Variants in GMDS observed in about 807,000 individuals in gnomAD.
The protein encoded by GMDS is GDP-mannose 4,6 dehydratase.
A neutral mutation model predicts 49.9 loss-of-function variants in GMDS; 20 were observed. The observed-to-expected ratio is 0.40, with a 90% CI of 0.28 to 0.58. The LOEUF (loss-of-function observed/expected upper bound fraction) is 0.58. GMDS is among the 20% of genes least tolerant of loss of function. GMDS has a pLI of 0.42. For synonymous variants in GMDS, 177 were observed against 178.6 expected (o/e 0.99, Z 0.07); for missense variants, 362 against 481.4 (o/e 0.75, Z 2.32).
At position 1,821,611 on chromosome 6, in the gene GMDS, G is replaced by GTT. The variant is rs3039703; in HGVS notation, c.772-79027_772-79026dup. On this transcript the variant is annotated intron_variant, in intron 7 of 10. Transcript: ENST00000380815. ...TAGCGCAGCTGCTAACAATTTATTT[G>GTT]TTTTTTTTTTTTTTTTTTTTTTTTT... Among the ~76,000 whole-genome samples, 330 of 109,804 alleles carry GTT rather than the reference G, an allele frequency of 3.0e-3. 18 individuals carry two copies. The East Asian group carries it at 0.05, about 17-fold the overall frequency. The allele number at this position is 109,804 out of a possible 152,430, so 72.0% of individuals were successfully genotyped here. A position where few individuals can be genotyped will look rare whatever the true frequency, so the allele number is the denominator to read the frequency against.
At chr6:1,838,178 C>G (rs1020752945) in intron 7 of GMDS, among the ~76,000 whole-genome samples, 5 of 152,188 alleles carry the variant, frequency 3.3e-5, no homozygotes, top group African/African-American at 1.2e-4. Context: ...TCAGCTCCTA[C>G]AACATCTCAC....
At chr6:1,663,732 C>G (rs1764156576) in intron 9 of GMDS, among the ~76,000 whole-genome samples, 1 of 152,192 alleles carries the variant, frequency 6.6e-6, no homozygotes, top group South Asian at 2.1e-4. Flanking sequence ...CCCCCGGTGA[C>G]TGGTGAAGAT....
chr6:1,754,405 A>T (rs1367726737), intron 7 of GMDS, among the ~76,000 whole-genome samples: 1 of 152,148 alleles, frequency 6.6e-6, no homozygotes. Flanking sequence ...ATCAACCAAA[A>T]AAGTCCAGGA....
At chr6:2,017,358 G>A (rs1020095010) in intron 4 of GMDS, among the ~76,000 whole-genome samples, 1 of 151,868 alleles carries the variant, frequency 6.6e-6, no homozygotes, top group East Asian at 1.9e-4. Flanking sequence ...TGCCAGGCAG[G>A]AGTGCAGTGG....
At chr6:2,013,713 A>G (rs1767704902) in intron 4 of GMDS, among the ~76,000 whole-genome samples, 1 of 151,990 alleles carries the variant, frequency 6.6e-6, no homozygotes, top group East Asian at 1.9e-4. Context: ...CAATAGATGC[A>G]TCGCAAACTA....
intron 1 of GMDS, among the ~76,000 whole-genome samples, chr6:2,186,555 A>G (rs995679205): frequency 6.6e-6 from 1 of 152,230 alleles, no homozygotes; most frequent in African/African-American, 2.4e-5. Context: ...AATAAATTAA[A>G]CATGCTAAAA....
intron 9 of GMDS, among the ~76,000 whole-genome samples, chr6:1,712,997 G>A (rs577240317): frequency 1.5e-3 from 230 of 152,308 alleles, no homozygotes; most frequent in African/African-American, 5.4e-3. Context: ...TGCAGATAGT[G>A]AGAAGGCCAT....
chr6:1,812,269 G>A (rs1266425595), intron 7 of GMDS, among the ~76,000 whole-genome samples: 4 of 152,112 alleles, frequency 2.6e-5, no homozygotes, highest in Non-Finnish European at 2.9e-5. Context: ...ACAGGACTCC[G>A]AGCACAGAGC....
intron 7 of GMDS, among the ~76,000 whole-genome samples, chr6:1,805,910 A>G (rs1464164022): frequency 6.6e-6 from 1 of 152,170 alleles, no homozygotes; most frequent in African/African-American, 2.4e-5. Context: ...GTTGTTTCCA[A>G]TTTTATGCTC....
intron 4 of GMDS, among the ~76,000 whole-genome samples, chr6:2,024,254 CAG>C (rs1768447431): frequency 6.6e-6 from 1 of 152,006 alleles, no homozygotes; most frequent in South Asian, 2.1e-4. Context: ...TCAGACAAGA[CAG>C]AGAGTTTATA....
chr6:1,887,832 T>C (rs956833193), intron 7 of GMDS, among the ~76,000 whole-genome samples: 3 of 152,220 alleles, frequency 2.0e-5, no homozygotes, highest in African/African-American at 7.2e-5. Flanking sequence ...AGTAATTGCA[T>C]ATAACCTACA....
intron 4 of GMDS, among the ~76,000 whole-genome samples, chr6:1,982,918 C>T (rs568115745): frequency 3.3e-5 from 5 of 151,996 alleles, no homozygotes; most frequent in Admixed American, 1.3e-4. Flanking sequence ...TCCAAACAGC[C>T]AAGACAATGT....
chr6:1,837,406 C>T (rs970994001), intron 7 of GMDS, among the ~76,000 whole-genome samples: 3 of 152,166 alleles, frequency 2.0e-5, no homozygotes, highest in Non-Finnish European at 4.4e-5. Context: ...AAACAACTTA[C>T]ATTTTACTCA....
At chr6:1,863,430 T>C (rs760581887) in intron 7 of GMDS, among the ~76,000 whole-genome samples, 2 of 152,298 alleles carry the variant, frequency 1.3e-5, no homozygotes, top group Non-Finnish European at 2.9e-5. Flanking sequence ...TATTATGTAA[T>C]GTGTCCACAT....
At chr6:1,701,407 T>C (rs1008527215) in intron 9 of GMDS, among the ~76,000 whole-genome samples, 1 of 152,188 alleles carries the variant, frequency 6.6e-6, no homozygotes, top group Non-Finnish European at 1.5e-5. Context: ...ACAGTGTGTC[T>C]TTCCACCCTT....
intron 7 of GMDS, among the ~76,000 whole-genome samples, chr6:1,908,898 G>A (rs1760909376): frequency 6.6e-6 from 1 of 152,114 alleles, no homozygotes; most frequent in Non-Finnish European, 1.5e-5. Flanking sequence ...TGACCCTAAA[G>A]GCAAGCCATT....
At chr6:2,225,818 C>T (rs763054187) in intron 1 of GMDS, among the ~76,000 whole-genome samples, 6 of 152,154 alleles carry the variant, frequency 3.9e-5, no homozygotes, top group Non-Finnish European at 1.5e-5. Flanking sequence ...CATTAATGCT[C>T]CTAACAGAAC....
At chr6:2,206,377 C>G (rs1032840189) in intron 1 of GMDS, among the ~76,000 whole-genome samples, 5 of 152,036 alleles carry the variant, frequency 3.3e-5, no homozygotes, top group Non-Finnish European at 7.4e-5. Context: ...TGTGGTCAGA[C>G]TCCAGGGGTG....
chr6:1,775,423 A>G (rs1264254198), intron 7 of GMDS, among the ~76,000 whole-genome samples: 2 of 152,224 alleles, frequency 1.3e-5, no homozygotes, highest in Non-Finnish European at 2.9e-5. Flanking sequence ...CTCTATTAAT[A>G]TGTTGATTCT....
Sources: gnomAD v4.1 joint callset for allele counts (sites outside exome capture counted in the v4.1 genomes callset) on GRCh38, gnomAD v4.1.1 for gene constraint, MANE v1.5 for transcripts, NCBI Gene and HGNC (gene_info 2026-07-23, HGNC 2026-07-21) for gene names.